RGS3: variants seen among roughly 807,000 people sequenced by gnomAD.
RGS3 encodes regulator of G-protein signalling 3.
In RGS3, 80 loss-of-function variants were observed where a neutral mutation model predicts 132.6. The observed-to-expected ratio is 0.60, with a 90% CI of 0.50 to 0.73. RGS3 has a LOEUF of 0.73. Among genes scored for constraint, RGS3 ranks in the 30% least tolerant of loss-of-function variants. The pLI is 0.00. For synonymous variants in RGS3, 598 were observed against 620.6 expected (o/e 0.96, Z 0.54); for missense variants, 1,382 against 1,530.8 (o/e 0.90, Z 1.62).
exon 19 of RGS3, chr9:113,536,806 G>A: frequency 1.9e-6 from 3 of 1,614,084 alleles, no homozygotes; most frequent in Non-Finnish European, 1.7e-6. Flanking sequence ...AAGGCAGAGT[G>A]CTTATTCACT....
At chr9:113,575,311 C>T (rs569180443) in intron 19 of RGS3, among the ~76,000 whole-genome samples, 27 of 152,272 alleles carry the variant, frequency 1.8e-4, no homozygotes, top group African/African-American at 6.0e-4. Flanking sequence ...AGTCCCTGCG[C>T]GGGGGTGAGC....
intron 7 of RGS3, among the ~76,000 whole-genome samples, chr9:113,491,584 T>C (rs1235888289): frequency 6.6e-6 from 1 of 151,314 alleles, no homozygotes; most frequent in Non-Finnish European, 1.5e-5. Flanking sequence ...AGATGAAGTC[T>C]CTCTCTGTTA....
chr9:113,572,431 G>A (rs1262985416), intron 19 of RGS3, among the ~76,000 whole-genome samples: 1 of 152,076 alleles, frequency 6.6e-6, no homozygotes, highest in Non-Finnish European at 1.5e-5. Context: ...TGAGGCTCGG[G>A]AGGGTGACCT....
In RGS3 at chr9:113,536,586, A is replaced by C. The variant is rs1832686024; in HGVS notation, c.1915-210A>C. On this transcript the variant is annotated intron_variant, in intron 18 of 24. Coordinates refer to ENST00000350696, the Ensembl canonical transcript of RGS3. Reference sequence around the variant, plus strand: ...CCCCTCCCCCAACCTGTGGGCCCACAGCTCGCCAGCTGGCCCTTGAACCCA... The same window carrying C: ...CCCCTCCCCCAACCTGTGGGCCCACCGCTCGCCAGCTGGCCCTTGAACCCA... 3 of 1,383,164 alleles carry C rather than the reference A, an allele frequency of 2.2e-6. No individual in the cohort carries two copies. In the South Asian group the frequency reaches 4.4e-5, roughly 20 times the overall value. 85.7% of individuals were successfully genotyped at this position (1,383,164 alleles called of 1,614,324 possible).
rs541240094 is a variant in RGS3 at position 113,503,760 on chromosome 9, G to C, written c.898-1682G>C. Among the ~76,000 whole-genome samples, 29 of 152,288 alleles carry C rather than the reference G, an allele frequency of 1.9e-4. No individual in the cohort carries two copies. In the East Asian group the frequency reaches 5.0e-3, roughly 26 times the overall value. On this transcript the variant is annotated intron_variant, in intron 10 of 24. Coordinates refer to ENST00000350696, the Ensembl canonical transcript of RGS3. ...CCAGCTTGTGCTTGGGTTGAGGGTT[G>C]GCTTGTGAGGCCCCTAAAAAATCCC...
chr9:113,519,510 CAAAA>C (rs35813905), intron 16 of RGS3, among the ~76,000 whole-genome samples: 7 of 99,598 alleles, frequency 7.0e-5, no homozygotes, highest in Admixed American at 1.2e-4. Flanking sequence ...TTACTCACAC[CAAAA>C]AAAAAAAAAA....
At chr9:113,558,266 G>T (rs1206790477) in intron 19 of RGS3, among the ~76,000 whole-genome samples, 1 of 152,250 alleles carries the variant, frequency 6.6e-6, no homozygotes, top group African/African-American at 2.4e-5. Context: ...ACTTTGGGAG[G>T]CCTAGGCGGT....
intron 19 of RGS3, among the ~76,000 whole-genome samples, chr9:113,566,679 T>C (rs1834026264): frequency 6.6e-6 from 1 of 152,232 alleles, no homozygotes; most frequent in Admixed American, 6.5e-5. Flanking sequence ...CTTCCTGACC[T>C]GAGAGGCTTG....
chr9:113,541,629 CAG>C, intron 19 of RGS3: 2 of 1,211,610 alleles, frequency 1.7e-6, no homozygotes, highest in Non-Finnish European at 1.0e-6. Context: ...TGTGGGCATG[CAG>C]AGACTGGCAG....
intron 17 of RGS3, 39 bp from the exon 16 acceptor site, chr9:113,529,182 C>A (rs768871550): frequency 8.4e-6 from 13 of 1,547,274 alleles, no homozygotes; most frequent in Non-Finnish European, 1.2e-5. Flanking sequence ...GGCTCTTTAT[C>A]CAGTTCTAAT....
chr9:113,589,075 G>A (rs1196495900), intron 20 of RGS3: 1 of 152,320 alleles, frequency 6.6e-6, no homozygotes, highest in Non-Finnish European at 1.5e-5. Flanking sequence ...TGGAGTGAAG[G>A]AAGGGCTGTA....
chr9:113,541,310 G>C lies in RGS3; in HGVS notation c.2037+4392G>C, dbSNP rs1449494756. ...CAGCGAGCTAATTCCAGTTCTGTCT[G>C]GTTCCACAGAAACTCCACCCTTTCG... On this transcript the variant is annotated intron_variant, in intron 19 of 24. Coordinates refer to ENST00000350696, the Ensembl canonical transcript of RGS3. 2.5e-6 allele frequency: 4 copies of C among 1,612,340 alleles called. No homozygotes were observed. In the South Asian group the frequency reaches 4.4e-5, roughly 18 times the overall value.
rs1203354974 is a variant in RGS3 at position 113,463,607 on chromosome 9, C to G, written c.415+1406C>G. Reference sequence around the variant, plus strand: ...CCGCCTCCCCCACCCCGGCCCAGCTCTGCTCCGGCAGGTGGAACTCTCCCC... The same window carrying G: ...CCGCCTCCCCCACCCCGGCCCAGCTGTGCTCCGGCAGGTGGAACTCTCCCC... On this transcript the variant is annotated intron_variant, in intron 3 of 24. Coordinates refer to ENST00000350696, the Ensembl canonical transcript of RGS3. The surrounding 1 kb of genome is among the most constrained non-coding windows in gnomAD (Gnocchi z 4.6). 3.6e-6 allele frequency: 4 copies of G among 1,113,020 alleles called. No homozygotes were observed. Among genetic ancestry groups the G allele is most frequent in the Non-Finnish European group, 4.7e-6 (4 of 848,406 alleles). The allele number at this position is 1,113,020 out of a possible 1,614,324, so 68.9% of individuals were successfully genotyped here. A position where few individuals can be genotyped will look rare whatever the true frequency, so the allele number is the denominator to read the frequency against.
At chr9:113,479,077 AT>A (rs1192737030) in intron 3 of RGS3, 5 of 187,018 alleles carry the variant, frequency 2.7e-5, no homozygotes, top group African/African-American at 1.2e-4. Context: ...AGGTGGAAGA[AT>A]ATGCACATTT....
At chr9:113,551,656 C>T (rs912548553) in intron 19 of RGS3, among the ~76,000 whole-genome samples, 1 of 152,026 alleles carries the variant, frequency 6.6e-6, no homozygotes, top group African/African-American at 2.4e-5. Context: ...CAAGACCAGC[C>T]TGGGCAACAT....
At position 113,591,839 on chromosome 9, in the gene RGS3, C is replaced by T. The variant is rs1310641712; in HGVS notation, c.3080+442C>T. The T allele has an allele frequency of 5.9e-6, 1 of 170,054 alleles. No individual in the cohort carries two copies. Among genetic ancestry groups the T allele is most frequent in the East Asian group, 1.5e-4 (1 of 6,710 alleles). 10.5% of individuals were successfully genotyped at this position (170,054 alleles called of 1,614,324 possible). ...AGTCTCAGGCATTGCCAGGAGGGGGCGCTGCTGGCCCAGCTGCCGAATCCC... is the reference window on the plus strand; with the variant it reads ...AGTCTCAGGCATTGCCAGGAGGGGGTGCTGCTGGCCCAGCTGCCGAATCCC... On this transcript the variant is annotated intron_variant, in intron 21 of 24. Transcript: ENST00000350696. This position sits in a 1 kb window ranked among gnomAD's most constrained non-coding sequence, Gnocchi z 4.4.
Position 113,576,516 on chromosome 9 carries a change from G to C in RGS3, c.2038-6934G>C, listed in dbSNP as rs1313622775. Among the ~76,000 whole-genome samples, 7 of 152,056 alleles carry C rather than the reference G, an allele frequency of 4.6e-5. No individual in the cohort carries two copies. In the East Asian group the frequency reaches 1.4e-3, roughly 30 times the overall value. On this transcript the variant is annotated intron_variant, in intron 19 of 24. Coordinates refer to ENST00000350696, the Ensembl canonical transcript of RGS3. ...CCAGCTAATTTTTGTATTTTTGGTAGAGACGGGGTTTCACCATGTTGGCCA... is the reference window on the plus strand; with the variant it reads ...CCAGCTAATTTTTGTATTTTTGGTACAGACGGGGTTTCACCATGTTGGCCA...
chr9:113,505,422 C>G lies in RGS3; in HGVS notation c.898-20C>G, dbSNP rs529183136. 5.0e-6 allele frequency: 8 copies of G among 1,612,246 alleles called. No individual in the cohort carries two copies. The African/African-American group carries it at 1.1e-4, about 22-fold the overall frequency. The stretch of plus-strand genomic sequence containing the variant: ...AGAGCCTCCAGCTTCTGGCAGTGAC[C>G]GGGCAGGGCTGTGTCCTAGATCACC... On this transcript the variant is annotated intron_variant, in intron 10 of 24. Transcript: ENST00000350696.
chr9:113,583,918 T>C lies in RGS3; in HGVS notation c.2506T>C (p.Ser836Pro), dbSNP rs866250258. Residue 836 changes from serine to proline, a missense_variant, in exon 20 of 25, where the codon TCC becomes CCC. Transcript: ENST00000350696. Reference sequence around the variant, plus strand: ...GGCCCTTACTGAGGACACCATGAGCTCCGGGGACCTACTAGCAGCTACTGG... The same window carrying C: ...GGCCCTTACTGAGGACACCATGAGCCCCGGGGACCTACTAGCAGCTACTGG... The C allele has an allele frequency of 2.5e-6, 4 of 1,614,018 alleles. No individual in the cohort carries two copies. In the Middle Eastern group the frequency reaches 4.9e-4, roughly 200 times the overall value.
Sources: gnomAD v4.1 joint callset for allele counts (sites outside exome capture counted in the v4.1 genomes callset) on GRCh38, gnomAD v4.1.1 for gene constraint, Gnocchi (gnomAD v3.1) non-coding constraint, MANE v1.5 for transcripts, NCBI Gene and HGNC (gene_info 2026-07-23, HGNC 2026-07-21) for gene names.